The following AKAP13 variants were observed in gnomAD, a reference collection of about 807,000 sequenced individuals.
AKAP13 encodes A-kinase anchoring protein 13, also known as A-kinase anchor protein 13.
Under a neutral mutation model 264.5 loss-of-function variants are expected in AKAP13, and 80 were observed. That is an observed-to-expected ratio of 0.30 (90% confidence interval 0.25 to 0.36). The LOEUF is 0.36. Among genes scored for constraint, AKAP13 ranks in the 10% least tolerant of loss-of-function variants. The pLI is 1.00. For synonymous variants in AKAP13, 1,380 were observed against 1,250.2 expected, an observed-to-expected ratio of 1.10 and a Z score of -2.19; for missense variants, 3,712 against 3,435.2, an observed-to-expected ratio of 1.08 and a Z score of -2.01.
At chr15:85,566,388 T>C (rs2078606215) in intron 5 of AKAP13, among the ~76,000 whole-genome samples, 1 of 152,206 alleles carries the variant, frequency 6.6e-6, no homozygotes. Flanking sequence ...TTTTTGCATC[T>C]ATGAAGGTGG....
intron 2 of AKAP13, among the ~76,000 whole-genome samples, chr15:85,514,145 T>G (rs2076531295): frequency 1.5e-5 from 2 of 137,432 alleles, no homozygotes; most frequent in South Asian, 4.4e-4. Flanking sequence ...TTTGCCAGAG[T>G]GAATCTTTAC....
At chr15:85,586,048 T>C (rs940436451) in intron 8 of AKAP13, among the ~76,000 whole-genome samples, 21 of 152,236 alleles carry the variant, frequency 1.4e-4, no homozygotes, top group African/African-American at 4.8e-4. Flanking sequence ...ACATGTTTTC[T>C]TATAGATTAT....
intron 1 of AKAP13, among the ~76,000 whole-genome samples, chr15:85,439,415 T>A (rs2073509369): frequency 1.3e-5 from 2 of 152,052 alleles, no homozygotes; most frequent in South Asian, 4.1e-4. Context: ...AGTGTGGCGA[T>A]TCCTCAAGGA....
At chr15:85,621,515 G>A (rs553216020) in intron 8 of AKAP13, 3 of 152,204 alleles carry the variant, frequency 2.0e-5, no homozygotes, top group Admixed American at 2.0e-4. Context: ...CTATGATTTT[G>A]CCTGCGGGTG....
intron 8 of AKAP13, among the ~76,000 whole-genome samples, chr15:85,612,905 C>T (rs2080724259): frequency 6.6e-6 from 1 of 151,602 alleles, no homozygotes; most frequent in Admixed American, 6.6e-5. Context: ...AAAAGGGATG[C>T]TATTATTTAT....
intron 1 of AKAP13, among the ~76,000 whole-genome samples, chr15:85,410,036 C>T (rs1284726427): frequency 1.3e-5 from 2 of 151,544 alleles, no homozygotes; most frequent in Non-Finnish European, 2.9e-5. Context: ...CCTCCATTTT[C>T]CTTTAGAGGA....
chr15:85,583,871 T>G (rs147561342), intron 7 of AKAP13, among the ~76,000 whole-genome samples: 1 of 152,300 alleles, frequency 6.6e-6, no homozygotes, highest in Non-Finnish European at 1.5e-5. Context: ...CTTTCAGCAG[T>G]ATATATGGGC....
At chr15:85,505,756 G>C (rs1054021483) in intron 2 of AKAP13, among the ~76,000 whole-genome samples, 2 of 152,048 alleles carry the variant, frequency 1.3e-5, no homozygotes, top group Non-Finnish European at 2.9e-5. Flanking sequence ...TTATTTTGAG[G>C]GATGTGGATA....
chr15:85,701,964 G>C (rs1179620594), intron 17 of AKAP13, among the ~76,000 whole-genome samples: 1 of 151,970 alleles, frequency 6.6e-6, no homozygotes, highest in Non-Finnish European at 1.5e-5. Context: ...GAAGGGGGTA[G>C]GCCAGGCACG....
intron 2 of AKAP13, chr15:85,520,714 T>C (rs542293473): frequency 5.8e-6 from 3 of 518,966 alleles, no homozygotes; most frequent in East Asian, 5.4e-5. Flanking sequence ...AAAAATATTA[T>C]AGACCGAGAG....
rs776116991 is a variant in AKAP13 at position 85,581,742 on chromosome 15, G to T, written c.3674G>T (p.Arg1225Met). 9 of 1,614,178 alleles carry T rather than the reference G, an allele frequency of 5.6e-6. No homozygotes were observed. The highest frequency in any genetic ancestry group is 5.1e-6 in the Non-Finnish European group (6 of 1,180,012). ...VMRAPPSGRE[R>M]STPSLPCMVS... ...CGAGCCCCGCCTTCAGGCAGGGAAA[G>T]GAGCACTCCCTCTCTACCTTGCATG... The change falls in exon 7 of 37, where the codon AGG (arginine) becomes ATG (methionine). Residue 1225 changes from arginine to methionine, a missense_variant. Transcript: ENST00000394518.
chr15:85,521,344 T>C, intron 2 of AKAP13, 84 bp from the exon 3 acceptor site: 1 of 1,500,228 alleles, frequency 6.7e-7, no homozygotes, highest in Non-Finnish European at 9.1e-7. Flanking sequence ...AATTTGATTT[T>C]CCCTTAAATA....
At chr15:85,627,728 T>C (rs1439132919) in intron 8 of AKAP13, 1 of 152,220 alleles carries the variant, frequency 6.6e-6, no homozygotes, top group Non-Finnish European at 1.5e-5. Flanking sequence ...TAGCCTGGGT[T>C]ATGAGGTTAT....
chr15:85,413,135 G>C (rs973898161), intron 1 of AKAP13, among the ~76,000 whole-genome samples: 8 of 152,250 alleles, frequency 5.3e-5, no homozygotes, highest in African/African-American at 1.9e-4. Context: ...TTAGGGAAAA[G>C]TGCAGAATGC....
intron 9 of AKAP13, among the ~76,000 whole-genome samples, chr15:85,642,570 T>TATA (rs2082357864): frequency 6.6e-6 from 1 of 152,248 alleles, no homozygotes; most frequent in Admixed American, 6.5e-5. Context: ...GTTAGGGGGT[T>TATA]ATAATGGTTT....
At chr15:85,722,526 T>C (rs1300531268) in intron 25 of AKAP13, among the ~76,000 whole-genome samples, 179 bp downstream of exon 25, 1 of 152,210 alleles carries the variant, frequency 6.6e-6, no homozygotes, top group African/African-American at 2.4e-5. Context: ...AGACTTAGGA[T>C]AGATGATAGC....
At chr15:85,381,621 A>G (rs2070276388) in intron 1 of AKAP13, 1 of 141,780 alleles carries the variant, frequency 7.1e-6, no homozygotes, top group Non-Finnish European at 1.5e-5. Context: ...AAGGGGGTAG[A>G]TAGGTTTGTT....
At chr15:85,695,692 C>T (rs952076253) in intron 17 of AKAP13, among the ~76,000 whole-genome samples, 8 of 152,170 alleles carry the variant, frequency 5.3e-5, no homozygotes, top group Non-Finnish European at 1.0e-4. Context: ...AGCTCTCACC[C>T]GAATCCTCAT....
intron 8 of AKAP13, among the ~76,000 whole-genome samples, chr15:85,636,445 G>A (rs948623623): frequency 6.6e-6 from 1 of 152,162 alleles, no homozygotes; most frequent in Non-Finnish European, 1.5e-5. Context: ...AAAGTGATGA[G>A]AATGGACATC....
Sources: allele counts gnomAD v4.1 joint callset (sites outside exome capture counted in the v4.1 genomes callset), GRCh38; gene constraint gnomAD v4.1.1; transcripts MANE v1.5; gene names NCBI Gene and HGNC (gene_info 2026-07-23, HGNC 2026-07-21).